RHOU: variants seen among roughly 807,000 people sequenced by gnomAD.
RHOU encodes ras homolog family member U, also known as rho-related GTP-binding protein RhoU.
RHOU carries 8 observed loss-of-function variants against 12.6 expected under a neutral mutation model. The observed-to-expected ratio is 0.64, with a 90% CI of 0.37 to 1.15. The LOEUF is 1.15. Among genes scored for constraint, RHOU ranks in the 50% most tolerant of loss-of-function variants. The pLI, the probability that RHOU is intolerant of heterozygous loss-of-function variation, is 0.01. For synonymous variants in RHOU, 161 were observed against 147.4 expected, an observed-to-expected ratio of 1.09 and a Z score of -0.67; for missense variants, 258 against 347.0, an observed-to-expected ratio of 0.74 and a Z score of 2.04.
At chr1:228,650,253 C>T in the RHOU span, 2 of 458,450 alleles carry the variant, frequency 4.4e-6, no homozygotes, top group Non-Finnish European at 8.8e-6. Flanking sequence ...GGCGCTGGGT[C>T]GCTGGGTCGC....
At chr1:228,736,690 T>C (rs1229122825) in intron 1 of RHOU, among the ~76,000 whole-genome samples, 2 of 152,196 alleles carry the variant, frequency 1.3e-5, no homozygotes, top group East Asian at 3.9e-4. Context: ...TTAAAGCTCC[T>C]ATGTACCGGG....
chr1:228,647,547 T>C, the RHOU span, among the ~76,000 whole-genome samples: 1 of 152,242 alleles, frequency 6.6e-6, no homozygotes, highest in African/African-American at 2.4e-5. Context: ...GGCTGGCGTC[T>C]GTGGTACCCG....
the RHOU span, among the ~76,000 whole-genome samples, chr1:228,701,150 CT>C: frequency 6.6e-6 from 1 of 152,110 alleles, no homozygotes; most frequent in African/African-American, 2.4e-5. Context: ...TGTATGGGCC[CT>C]CTGTAGCATC....
chr1:228,682,901 C>G, the RHOU span, among the ~76,000 whole-genome samples: 6 of 152,248 alleles, frequency 3.9e-5, no homozygotes, highest in Non-Finnish European at 8.8e-5. Flanking sequence ...GAGGTTGAGT[C>G]AGAGCAATGG....
At chr1:228,666,626 G>A in the RHOU span, among the ~76,000 whole-genome samples, 1 of 151,984 alleles carries the variant, frequency 6.6e-6, no homozygotes, top group Non-Finnish European at 1.5e-5. Context: ...TCTTGCTCAG[G>A]GTGGTGTGGC....
chr1:228,657,279 C>CAAA, the RHOU span, among the ~76,000 whole-genome samples: 226 of 27,996 alleles, frequency 8.1e-3, 2 homozygotes, highest in African/African-American at 0.016. Context: ...AACTCCATCT[C>CAAA]AAAAAAAAAA....
the RHOU span, among the ~76,000 whole-genome samples, chr1:228,665,896 A>C: frequency 1.3e-5 from 2 of 152,196 alleles, no homozygotes; most frequent in Non-Finnish European, 2.9e-5. Context: ...AAGCATCAAA[A>C]ATACAGAATA....
Position 228,743,289 on chromosome 1 carries a change from A to C in RHOU, c.326A>C (p.Glu109Ala). ...GGGTACTTTGCTTGGTTGCAGGATG[A>C]ATTTGACAAGCTGAGGCCTCTCTGC... ...LQLCDTAGQDEFDKLRPLCYT... is the reference protein window; with the variant it reads ...LQLCDTAGQDAFDKLRPLCYT... Residue 109 changes from glutamate (E) to alanine (A), a missense_variant, in exon 3 of 3, where the codon GAA (glutamate) becomes GCA (alanine). Transcript: ENST00000366691. The surrounding 1 kb of genome is among the most constrained non-coding windows in gnomAD (Gnocchi z 5.1). 6.2e-7 allele frequency: 1 copy of C among 1,611,298 alleles called. No individual in the cohort carries two copies. Among genetic ancestry groups the C allele is most frequent in the Non-Finnish European group, 8.5e-7 (1 of 1,177,546 alleles).
chr1:228,716,870 A>G, the RHOU span, among the ~76,000 whole-genome samples: 1 of 152,190 alleles, frequency 6.6e-6, no homozygotes, highest in African/African-American at 2.4e-5. Context: ...TCTGAAATCC[A>G]TCATGACGAA....
chr1:228,704,167 A>T, the RHOU span, among the ~76,000 whole-genome samples: 3 of 152,172 alleles, frequency 2.0e-5, no homozygotes, highest in African/African-American at 7.2e-5. Context: ...ATGACCTGGA[A>T]GCCCCCACCT....
chr1:228,654,958 CAAAAT>C, the RHOU span, among the ~76,000 whole-genome samples: 3 of 152,012 alleles, frequency 2.0e-5, no homozygotes, highest in East Asian at 1.9e-4. Flanking sequence ...CCCAAATACA[CAAAAT>C]AAAAAAACAG....
chr1:228,671,155 T>C, the RHOU span, among the ~76,000 whole-genome samples: 2 of 151,930 alleles, frequency 1.3e-5, no homozygotes, highest in Admixed American at 1.3e-4. Context: ...CAGGCATGCA[T>C]CATCATGCCC....
intron 2 of RHOU, among the ~76,000 whole-genome samples, chr1:228,739,192 T>G (rs758106581): frequency 6.6e-6 from 1 of 152,040 alleles, no homozygotes; most frequent in Non-Finnish European, 1.5e-5. Flanking sequence ...AATGCAATGG[T>G]GATATTTATA....
the RHOU span, among the ~76,000 whole-genome samples, chr1:228,707,255 A>ATATAGTGT: frequency 2.5e-5 from 1 of 40,710 alleles, no homozygotes; most frequent in Non-Finnish European, 4.5e-5. Context: ...ATATATATAT[A>ATATAGTGT]GTGTGTGTGT....
the RHOU span, among the ~76,000 whole-genome samples, chr1:228,715,832 AT>A: frequency 0.063 from 9,380 of 148,536 alleles, 421 homozygotes; most frequent in Non-Finnish European, 0.098. Flanking sequence ...ATTGTGGTGG[AT>A]TTTTTTTTGC....
the RHOU span, among the ~76,000 whole-genome samples, chr1:228,649,492 G>A: frequency 2.3e-4 from 35 of 152,234 alleles, no homozygotes; most frequent in Non-Finnish European, 3.4e-4. Context: ...ACAAAACAGC[G>A]CTTAAAAGGG....
At chr1:228,693,147 C>T in the RHOU span, among the ~76,000 whole-genome samples, 1 of 152,144 alleles carries the variant, frequency 6.6e-6, no homozygotes, top group African/African-American at 2.4e-5. Context: ...AGAAAGAAAA[C>T]AATAAATAAA....
chr1:228,686,372 C>T, the RHOU span, among the ~76,000 whole-genome samples: 1 of 152,022 alleles, frequency 6.6e-6, no homozygotes, highest in Non-Finnish European at 1.5e-5. Flanking sequence ...AGTTGTACAA[C>T]ATTATGAATA....
In RHOU at chr1:228,735,528, G is replaced by A. The variant is rs1355757023; in HGVS notation, c.-215G>A. ...CGGACCGCTGTCCTCCAACAGCGCA[G>A]GGCAGAGCGGCTGGCGCCGCCGGAG... On this transcript the variant is annotated 5_prime_UTR_variant, in exon 1 of 3. Coordinates refer to ENST00000366691, the MANE Select transcript of RHOU (RefSeq NM_021205.6). The surrounding 1 kb of genome is among the most constrained non-coding windows in gnomAD (Gnocchi z 8.1). 6.6e-6 allele frequency: 2 copies of A among 301,198 alleles called. No homozygotes were observed. Among genetic ancestry groups the A allele is most frequent in the African/African-American group, 4.4e-5 (2 of 45,224 alleles). The allele number at this position is 301,198 out of a possible 1,614,324, so 18.7% of individuals were successfully genotyped here. A position where few individuals can be genotyped will look rare whatever the true frequency, so the allele number is the denominator to read the frequency against.
Sources: allele counts gnomAD v4.1 joint callset (sites outside exome capture counted in the v4.1 genomes callset), GRCh38; gene constraint gnomAD v4.1.1; non-coding constraint Gnocchi (gnomAD v3.1); transcripts MANE v1.5; gene names NCBI Gene and HGNC (gene_info 2026-07-23, HGNC 2026-07-21).